The following DNAH9 variants were observed in gnomAD, a reference collection of about 807,000 sequenced individuals.
DNAH9 encodes DNAH9 variant protein.
In DNAH9, 345 loss-of-function variants were observed where a neutral mutation model predicts 471.6. The observed-to-expected ratio is 0.73, with a 90% confidence interval of 0.67 to 0.80. The LOEUF (loss-of-function observed/expected upper bound fraction) is 0.80, where lower values mean the gene tolerates loss of function less well. Among genes scored for constraint, DNAH9 ranks in the 30% least tolerant of loss-of-function variants. DNAH9 has a pLI of 0.00. For missense variants in DNAH9, 5,407 were observed against 5,609.2 expected (o/e 0.96, Z 1.15); for synonymous variants, 2,093 against 2,123.6 (o/e 0.99, Z 0.40).
intron 22 of DNAH9, among the ~76,000 whole-genome samples, 194 bp downstream of exon 22, chr17:11,694,641 G>GCT (rs2074403441): frequency 1.1e-4 from 1 of 9,190 alleles, no homozygotes; most frequent in African/African-American, 2.7e-4. Context: ...TTGCTTTCTT[G>GCT]CTTTCTCGCT....
At chr17:11,664,764 G>T in intron 14 of DNAH9, 69 bp from the exon 15 acceptor site, 5 of 1,292,836 alleles carry the variant, frequency 3.9e-6, no homozygotes, top group Non-Finnish European at 5.5e-6. Context: ...TTTTTATTTT[G>T]ACTGTTGATT....
intron 20 of DNAH9, among the ~76,000 whole-genome samples, chr17:11,690,731 G>T (rs2074321135): frequency 6.6e-6 from 1 of 151,922 alleles, no homozygotes; most frequent in South Asian, 2.1e-4. Flanking sequence ...AAAAATACTG[G>T]CTACTGCAGT....
At chr17:11,927,770 G>A (rs971894440) in intron 62 of DNAH9, among the ~76,000 whole-genome samples, 2 of 152,144 alleles carry the variant, frequency 1.3e-5, no homozygotes, top group African/African-American at 4.8e-5. Context: ...GCTATTGTGT[G>A]GATTTCCCAA....
At chr17:11,710,489 C>A (rs1475883401) in intron 26 of DNAH9, among the ~76,000 whole-genome samples, 1 of 152,152 alleles carries the variant, frequency 6.6e-6, no homozygotes, top group East Asian at 1.9e-4. Flanking sequence ...AATTGCACAA[C>A]ACCCTGACTA....
intron 55 of DNAH9, 34 bp from the exon 56 acceptor site, chr17:11,883,552 C>G (rs1164707665): frequency 6.2e-7 from 1 of 1,610,564 alleles, no homozygotes; most frequent in Non-Finnish European, 8.5e-7. Context: ...CCCTGGGCAT[C>G]TGCACCTGAC....
chr17:11,863,236 G>T lies in DNAH9; in HGVS notation c.9934-5898G>T, dbSNP rs534878239. On this transcript the variant is annotated intron_variant, in intron 50 of 68. Coordinates refer to ENST00000262442, the MANE Select transcript of DNAH9 (RefSeq NM_001372.4). The stretch of plus-strand genomic sequence containing the variant: ...TTGAGAGTTTTTAGCATGAAGCGTT[G>T]TTGAATTTTGTCAAAGGCCTTTTCT... Among the ~76,000 whole-genome samples, 58 of 152,286 alleles carry T rather than the reference G, an allele frequency of 3.8e-4. No individual in the cohort carries two copies. In the South Asian group the frequency reaches 8.7e-3, roughly 23 times the overall value.
chr17:11,785,844 T>C (rs955789376), intron 41 of DNAH9, among the ~76,000 whole-genome samples: 4 of 152,208 alleles, frequency 2.6e-5, no homozygotes, highest in African/African-American at 9.6e-5. Context: ...CTCATCTGAA[T>C]TTCCAATGAG....
intron 63 of DNAH9, among the ~76,000 whole-genome samples, chr17:11,931,386 A>G (rs370360746): frequency 6.6e-6 from 1 of 152,232 alleles, no homozygotes. Context: ...CACCTAAACC[A>G]ACATAAACCT....
intron 66 of DNAH9, among the ~76,000 whole-genome samples, chr17:11,941,320 A>C (rs1280356719): frequency 1.3e-5 from 2 of 151,042 alleles, no homozygotes; most frequent in Non-Finnish European, 2.9e-5. Context: ...GCGCTCGCTC[A>C]CTCCCTCCCT....
chr17:11,788,282 TGC>T (rs1448063208), intron 41 of DNAH9, among the ~76,000 whole-genome samples: 1 of 152,220 alleles, frequency 6.6e-6, no homozygotes, highest in African/African-American at 2.4e-5. Flanking sequence ...AGACAGAGGC[TGC>T]AATAAACATC....
intron 36 of DNAH9, 121 bp downstream of exon 36, chr17:11,763,735 C>T (rs1429985368): frequency 9.3e-6 from 9 of 964,854 alleles, no homozygotes; most frequent in Non-Finnish European, 1.4e-5. Flanking sequence ...AAGCAGCAAA[C>T]TATTTAGTCA....
At chr17:11,635,934 C>T (rs1406407359) in intron 8 of DNAH9, among the ~76,000 whole-genome samples, 2 of 152,046 alleles carry the variant, frequency 1.3e-5, no homozygotes, top group African/African-American at 4.8e-5. Context: ...GCCAACTTAG[C>T]TTCTTTTTCT....
chr17:11,732,346 G>T (rs1158521049), intron 28 of DNAH9, among the ~76,000 whole-genome samples: 1 of 152,138 alleles, frequency 6.6e-6, no homozygotes, highest in Non-Finnish European at 1.5e-5. Context: ...CAAAATCTGA[G>T]CGGGTAACAT....
chr17:11,783,751 A>G lies in DNAH9; in HGVS notation c.7821+3A>G, dbSNP rs1968754301. The G allele has an allele frequency of 6.2e-7, 1 of 1,613,110 alleles. No homozygotes were observed. ...TCACCATCAACCCCCGGCTTCAGGTACAGGAGGAGCCATGGGACCTGGGTC... is the reference window on the plus strand; with the variant it reads ...TCACCATCAACCCCCGGCTTCAGGTGCAGGAGGAGCCATGGGACCTGGGTC... On this transcript the variant is annotated splice_donor_region_variant and intron_variant, in intron 40 of 68. Transcript: ENST00000262442.
intron 60 of DNAH9, 102 bp downstream of exon 60, chr17:11,903,014 GTAGTTTC>G: frequency 7.7e-7 from 1 of 1,295,666 alleles, no homozygotes; most frequent in South Asian, 1.5e-5. Context: ...TGTGTATATA[GTAGTTTC>G]CTGGAGCTAG....
chr17:11,693,780 A>C (rs2074379062), intron 20 of DNAH9, 88 bp from the exon 21 acceptor site: 5 of 1,407,428 alleles, frequency 3.6e-6, no homozygotes, highest in Non-Finnish European at 5.0e-6. Flanking sequence ...ACCCAGGAAC[A>C]AGTTTCTGCT....
chr17:11,760,854 G>A (rs1567781780), intron 35 of DNAH9, among the ~76,000 whole-genome samples: 1 of 152,196 alleles, frequency 6.6e-6, no homozygotes, highest in South Asian at 2.1e-4. Context: ...CTGCGGATGG[G>A]GGAGCTGCAG....
chr17:11,644,742 C>T, intron 11 of DNAH9, 43 bp downstream of exon 11: 1 of 1,377,340 alleles, frequency 7.3e-7, no homozygotes, highest in Middle Eastern at 1.8e-4. Flanking sequence ...GATTGCACAG[C>T]CTCCATGCTG....
chr17:11,871,100 C>G (rs9903258), intron 51 of DNAH9, among the ~76,000 whole-genome samples: 65,521 of 151,934 alleles, frequency 0.43, 14,463 homozygotes, highest in Admixed American at 0.56. Context: ...ACTTTGTACA[C>G]ACCCATGACC....
Sources: gnomAD v4.1 joint callset for allele counts (sites outside exome capture counted in the v4.1 genomes callset) on GRCh38, gnomAD v4.1.1 for gene constraint, MANE v1.5 for transcripts, NCBI Gene and HGNC (gene_info 2026-07-23, HGNC 2026-07-21) for gene names.